DPP4: variants seen among roughly 807,000 people sequenced by gnomAD.
DPP4 encodes the protein dipeptidyl peptidase 4, also known as ADCP-2.
Under a neutral mutation model 122.4 loss-of-function variants are expected in DPP4, and 93 were observed. The observed-to-expected ratio is 0.76, with a 90% CI of 0.64 to 0.90. DPP4 has a LOEUF of 0.90. DPP4 is among the 40% of genes least tolerant of loss of function. The probability of loss-of-function intolerance (pLI) is 0.00; values close to 1 mark genes in which losing one functional copy is unlikely to be tolerated. For synonymous variants in DPP4, 321 were observed against 302.9 expected (o/e 1.06, Z -0.62); for missense variants, 914 against 907.3 (o/e 1.01, Z -0.09).
chr2:162,047,919 A>G (rs1684246714), intron 2 of DPP4, among the ~76,000 whole-genome samples: 1 of 152,230 alleles, frequency 6.6e-6, no homozygotes, highest in African/African-American at 2.4e-5. Context: ...AAATTTTATG[A>G]GAACTTTCAT....
At position 162,045,606 on chromosome 2, in the gene DPP4, ACT is replaced by A. The variant is rs752911940; in HGVS notation, c.290_291del (p.Glu97ValfsTer7). Reference protein sequence around the residue: ...SVFLENSTFDEFGHSINDYSI... With the variant: ...SVFLENSTFDXFGHSINDYSI... ...GAATAATCATTGATAGAATGTCCAA[ACT>A]CATCCTGTCAAACAAGAAGAACAAA... is the stretch of plus-strand genomic sequence containing the variant. On this transcript the variant is annotated frameshift_variant, in exon 5 of 26. Coordinates refer to ENST00000360534, the MANE Select transcript of DPP4 (RefSeq NM_001935.4). LOFTEE classifies it high-confidence loss of function. 1.2e-6 allele frequency: 2 copies of A among 1,611,308 alleles called. No individual in the cohort carries two copies. Among genetic ancestry groups the A allele is most frequent in the Non-Finnish European group, 1.7e-6 (2 of 1,177,882 alleles).
intron 2 of DPP4, among the ~76,000 whole-genome samples, chr2:162,062,442 G>A (rs1225290155): frequency 6.6e-6 from 1 of 152,190 alleles, no homozygotes; most frequent in Admixed American, 6.5e-5. Flanking sequence ...ATTTTGCTGA[G>A]TTCTCTGTTC....
At chr2:162,056,143 CT>C (rs1263259296) in intron 2 of DPP4, among the ~76,000 whole-genome samples, 13 of 152,230 alleles carry the variant, frequency 8.5e-5, no homozygotes, top group African/African-American at 3.1e-4. Flanking sequence ...CTCTACTACT[CT>C]TTCCAGCATT....
intron 14 of DPP4, 101 bp downstream of exon 14, chr2:162,020,128 G>C: frequency 1.0e-6 from 1 of 981,554 alleles, no homozygotes; most frequent in Non-Finnish European, 1.6e-6. Flanking sequence ...ATTCCAAAAA[G>C]ACTACTCTTT....
intron 2 of DPP4, among the ~76,000 whole-genome samples, chr2:162,066,455 A>T (rs184699101): frequency 1.1e-4 from 16 of 151,334 alleles, no homozygotes; most frequent in African/African-American, 3.9e-4. Flanking sequence ...TAAGAGAGAA[A>T]CTCCTTTCTG....
chr2:161,996,199 C>G (rs558663496), intron 23 of DPP4, among the ~76,000 whole-genome samples: 1 of 152,274 alleles, frequency 6.6e-6, no homozygotes, highest in East Asian at 1.9e-4. Flanking sequence ...AGCTGGTCAT[C>G]TAATCTGAAT....
At chr2:162,000,171 T>G (rs549462827) in intron 23 of DPP4, among the ~76,000 whole-genome samples, 11 of 152,226 alleles carry the variant, frequency 7.2e-5, no homozygotes, top group African/African-American at 2.4e-4. Context: ...GATACGACTT[T>G]GGGTTTAGCG....
chr2:162,016,915 T>G, intron 17 of DPP4, 49 bp from the exon 18 acceptor site: 1 of 1,558,982 alleles, frequency 6.4e-7, no homozygotes, highest in Non-Finnish European at 8.8e-7. Context: ...GTGAAAAATG[T>G]GGATTATGTA....
At position 162,009,293 on chromosome 2, in the gene DPP4, T is replaced by G; in HGVS notation, c.1835A>C (p.Gln612Pro). 6.2e-7 allele frequency: 1 copy of G among 1,613,724 alleles called. No homozygotes were observed. The highest frequency in any genetic ancestry group is 8.5e-7 in the Non-Finnish European group (1 of 1,179,732). The change falls in exon 21 of 26, where the codon CAA becomes CCA. Residue 612 changes from glutamine to proline, a missense_variant and splice_region_variant. By Grantham distance (76) the Gln-to-Pro change is moderately conservative (BLOSUM62 -1). Transcript: ENST00000360534. ...GTCCACAAATCCCATTTTTGAAAATTGTCTAAAACACAAGGAAAAAGTCCA... is the reference window on the plus strand; with the variant it reads ...GTCCACAAATCCCATTTTTGAAAATGGTCTAAAACACAAGGAAAAAGTCCA... ...EVEDQIEAAR[Q>P]FSKMGFVDNK...
At chr2:162,061,260 A>C (rs1395762836) in intron 2 of DPP4, among the ~76,000 whole-genome samples, 1 of 152,146 alleles carries the variant, frequency 6.6e-6, no homozygotes, top group East Asian at 1.9e-4. Flanking sequence ...AAGGATGCAG[A>C]GTGTGTACTG....
intron 2 of DPP4, among the ~76,000 whole-genome samples, chr2:162,070,530 C>T (rs560639699): frequency 2.2e-4 from 33 of 152,030 alleles, no homozygotes; most frequent in African/African-American, 7.7e-4. Flanking sequence ...CTATCAAATT[C>T]CTTTCCTTCC....
chr2:162,045,930 T>C (rs1684157554), intron 4 of DPP4, among the ~76,000 whole-genome samples: 1 of 152,174 alleles, frequency 6.6e-6, no homozygotes, highest in African/African-American at 2.4e-5. Context: ...CGTGGATGTT[T>C]AGAGACTCTT....
rs188461198 is a variant in DPP4, at chr2:162,008,360, G to A, written c.1987+202C>T. Among the ~76,000 whole-genome samples the A allele has an allele frequency of 1.1e-4, 17 of 152,192 alleles. No individual in the cohort carries two copies. In the East Asian group the frequency reaches 2.9e-3, roughly 26 times the overall value. ...AGAATTTGTTGATAAAAAATCAAAC[G>A]TGTAATAAAATATACCACCCAGCCT... is the stretch of plus-strand genomic sequence containing the variant. On this transcript the variant is annotated intron_variant, in intron 22 of 25. Coordinates refer to ENST00000360534, the MANE Select transcript of DPP4 (RefSeq NM_001935.4).
chr2:162,007,557 A>T (rs1478771285), intron 22 of DPP4, among the ~76,000 whole-genome samples: 1 of 152,176 alleles, frequency 6.6e-6, no homozygotes, highest in African/African-American at 2.4e-5. Context: ...TCTATGTATT[A>T]GATTGGTCTA....
chr2:162,035,666 T>G (rs1683741942), intron 8 of DPP4, among the ~76,000 whole-genome samples: 1 of 152,120 alleles, frequency 6.6e-6, no homozygotes, highest in Non-Finnish European at 1.5e-5. Flanking sequence ...AGGCTGATTC[T>G]CCTTTCTAAT....
Position 162,046,827 on chromosome 2 carries a change from T to C in DPP4, c.285+88A>G, listed in dbSNP as rs752684684. The C allele has an allele frequency of 5.8e-6, 5 of 864,684 alleles. No individual in the cohort carries two copies. The African/African-American group carries it at 6.6e-5, about 11-fold the overall frequency. 53.6% of individuals were successfully genotyped at this position (864,684 alleles called of 1,614,324 possible). On this transcript the variant is annotated intron_variant, in intron 4 of 25. Coordinates refer to ENST00000360534, the MANE Select transcript of DPP4 (RefSeq NM_001935.4). ...TATGCTGCAGAAAGAGTCCAACAGG[T>C]TGAGAAATGACAGTACTCGTGATTC...
chr2:162,006,888 A>G (rs1701296447), intron 22 of DPP4, among the ~76,000 whole-genome samples: 1 of 152,106 alleles, frequency 6.6e-6, no homozygotes, highest in South Asian at 2.1e-4. Context: ...AAATTTTACA[A>G]GTATTTCAAA....
intron 2 of DPP4, among the ~76,000 whole-genome samples, chr2:162,055,775 C>CTTTG (rs1000158547): frequency 1.3e-5 from 2 of 152,152 alleles, no homozygotes; most frequent in Non-Finnish European, 2.9e-5. Flanking sequence ...GGTGACCAAA[C>CTTTG]TTTGGTTAGG....
chr2:161,994,737 C>T (rs1405234643), intron 25 of DPP4, among the ~76,000 whole-genome samples: 1 of 152,162 alleles, frequency 6.6e-6, no homozygotes, highest in Non-Finnish European at 1.5e-5. Context: ...TTGATACTCC[C>T]AGCATATGCG....
Sources: allele counts gnomAD v4.1 joint callset (sites outside exome capture counted in the v4.1 genomes callset), GRCh38; gene constraint gnomAD v4.1.1; transcripts MANE v1.5; gene names NCBI Gene and HGNC (gene_info 2026-07-23, HGNC 2026-07-21).